Variants in ARHGEF11 observed in about 807,000 individuals in gnomAD.
The protein encoded by ARHGEF11 is Rho guanine nucleotide exchange factor 11.
A neutral mutation model predicts 193.7 loss-of-function variants in ARHGEF11; 55 were observed. That is an observed-to-expected ratio of 0.28 (90% CI 0.23 to 0.36). The LOEUF (loss-of-function observed/expected upper bound fraction) is 0.36, where lower values mean the gene tolerates loss of function less well. ARHGEF11 is among the 10% of genes least tolerant of loss of function. ARHGEF11 has a pLI of 1.00. For missense variants in ARHGEF11, 1,723 were observed against 2,005.6 expected, an observed-to-expected ratio of 0.86 and a Z score of 2.69; for synonymous variants, 693 against 768.0, an observed-to-expected ratio of 0.90 and a Z score of 1.62.
At chr1:157,023,596 T>C (rs1670258872) in intron 1 of ARHGEF11, among the ~76,000 whole-genome samples, 1 of 151,998 alleles carries the variant, frequency 6.6e-6, no homozygotes, top group Non-Finnish European at 1.5e-5. Context: ...TGAAACCCCA[T>C]CTCTACTAAA....
chr1:156,972,931 C>A (rs866645536), intron 7 of ARHGEF11, among the ~76,000 whole-genome samples: 1 of 152,162 alleles, frequency 6.6e-6, no homozygotes, highest in Admixed American at 6.5e-5. Flanking sequence ...ACAAAATGTT[C>A]GAGTTTCCTG....
chr1:157,022,991 T>C (rs11264602), intron 1 of ARHGEF11, among the ~76,000 whole-genome samples: 27,109 of 152,010 alleles, frequency 0.18, 2,988 homozygotes, highest in East Asian at 0.44. Context: ...ATACCATACA[T>C]AAAAATTAAC....
rs150332556 is a variant in ARHGEF11, at chr1:157,000,004, C to T, written c.33-13831G>A. On this transcript the variant is annotated intron_variant, in intron 1 of 40. Coordinates refer to ENST00000368194, the MANE Select transcript of ARHGEF11 (RefSeq NM_198236.3). ...TTTTTGAGACAGTCACACTCTATCA[C>T]ACAGGCTGGAGTGCAGTGGTGCGAT... Among the ~76,000 whole-genome samples, 319 of 152,368 alleles carry T rather than the reference C, an allele frequency of 2.1e-3. 2 individuals are homozygous for T. Among genetic ancestry groups the T allele is most frequent in the Non-Finnish European group, 3.5e-3 (236 of 68,042 alleles).
chr1:156,978,930 A>G (rs1018123915), intron 5 of ARHGEF11, among the ~76,000 whole-genome samples: 4 of 152,234 alleles, frequency 2.6e-5, no homozygotes, highest in African/African-American at 9.6e-5. Flanking sequence ...GGGAATTGAA[A>G]GGTATTTGAG....
intron 2 of ARHGEF11, 24 bp downstream of exon 2, chr1:156,986,058 T>G (rs1407978825): frequency 3.1e-6 from 5 of 1,599,440 alleles, no homozygotes; most frequent in Non-Finnish European, 4.3e-6. Context: ...GCTGTTTTTG[T>G]ATGTTAATGC....
intron 40 of ARHGEF11, among the ~76,000 whole-genome samples, chr1:156,936,487 A>AAAAAATAAAAAAAAAAAAAT (rs1432587311): frequency 7.5e-5 from 6 of 79,634 alleles, no homozygotes; most frequent in African/African-American, 3.5e-4. Flanking sequence ...ATAGAAAAAA[A>AAAAAATAAAAAAAAAAAAAT]AAAAAAAAAA....
chr1:156,982,459 C>T (rs577787604), intron 3 of ARHGEF11, among the ~76,000 whole-genome samples: 24 of 152,190 alleles, frequency 1.6e-4, no homozygotes, highest in South Asian at 8.3e-4. Context: ...AAAAGATAAC[C>T]GCTGCTTTGT....
rs535293794 is a variant in ARHGEF11 at position 157,025,210 on chromosome 1, G to A, written c.32+19089C>T. Among the ~76,000 whole-genome samples, 4 of 152,320 alleles carry A rather than the reference G, an allele frequency of 2.6e-5. No homozygotes were observed. In the East Asian group the frequency reaches 5.8e-4, roughly 22 times the overall value. ...AAGCACTCCTGCTGTGGGCTGTGGT[G>A]CCTTTACTCTTCCTTTCAAGTGATG... On this transcript the variant is annotated intron_variant, in intron 1 of 40. Transcript: ENST00000368194.
At chr1:156,956,704 A>C in intron 18 of ARHGEF11, 140 bp from the exon 19 acceptor site, 19 of 1,307,042 alleles carry the variant, frequency 1.5e-5, no homozygotes, top group Non-Finnish European at 2.0e-5. Flanking sequence ...TAGAATAATT[A>C]AATGGGACAG....
rs760350447 is a variant in ARHGEF11 at position 156,946,693 on chromosome 1, C to A, written c.2663G>T (p.Arg888Leu). 6.2e-7 allele frequency: 1 copy of A among 1,614,090 alleles called. No individual in the cohort carries two copies. Among genetic ancestry groups the A allele is most frequent in the Non-Finnish European group, 8.5e-7 (1 of 1,180,044 alleles). The change falls in exon 28 of 41, where the codon CGC becomes CTC. Residue 888 changes from arginine (R) to leucine (L), a missense_variant. Arg to Leu is a moderately radical substitution (Grantham distance 102, BLOSUM62 -2). This residue lies in a region of ARHGEF11 where 491 missense variants were observed against 654.5 expected (regional missense o/e 0.75). Transcript: ENST00000368194. ...GAAGAGCTGGAATCGACTCTCCTTG[C>A]GTTGCTTGGTCTTGATTAGCTCTAG... ...IALELIKTKQ[R>L]KESRFQLFMQ...
chr1:157,012,593 A>G (rs944503218), intron 1 of ARHGEF11, among the ~76,000 whole-genome samples: 1 of 152,222 alleles, frequency 6.6e-6, no homozygotes, highest in East Asian at 1.9e-4. Context: ...TAGTACTCTC[A>G]TAAGAGATTC....
In ARHGEF11 at chr1:157,017,667, A is replaced by G. The variant is rs574005975; in HGVS notation, c.32+26632T>C. Among the ~76,000 whole-genome samples the G allele has an allele frequency of 4.9e-5, 7 of 142,442 alleles. No homozygotes were observed. The South Asian group carries it at 1.6e-3, about 33-fold the overall frequency. The allele number at this position is 142,442 out of a possible 152,430, so 93.4% of individuals were successfully genotyped here. On this transcript the variant is annotated intron_variant, in intron 1 of 40. Coordinates refer to ENST00000368194, the MANE Select transcript of ARHGEF11 (RefSeq NM_198236.3). Reference sequence around the variant, plus strand: ...GGTTGCAGTGAGCCAAGACCGCGCCACTGTGCTCCAGCCTGGGCAACAGAG... The same window carrying G: ...GGTTGCAGTGAGCCAAGACCGCGCCGCTGTGCTCCAGCCTGGGCAACAGAG...
intron 14 of ARHGEF11, 67 bp from the exon 15 acceptor site, chr1:156,960,527 A>T: frequency 1.3e-6 from 2 of 1,522,500 alleles, no homozygotes; most frequent in Non-Finnish European, 1.8e-6. Flanking sequence ...AGCAGTGTGC[A>T]AGGCGAGGAG....
chr1:156,981,594 G>A (rs913192139), intron 3 of ARHGEF11, among the ~76,000 whole-genome samples: 1 of 152,008 alleles, frequency 6.6e-6, no homozygotes, highest in Non-Finnish European at 1.5e-5. Context: ...CTCCCATCTC[G>A]GCCTCCGAAG....
intron 22 of ARHGEF11, among the ~76,000 whole-genome samples, chr1:156,949,534 A>G (rs1467131389): frequency 6.6e-6 from 1 of 152,172 alleles, no homozygotes; most frequent in Non-Finnish European, 1.5e-5. Flanking sequence ...CTGCCAGATG[A>G]TCCAAAATGG....
At chr1:156,939,459 G>T (rs1656295659) in intron 37 of ARHGEF11, 89 bp downstream of exon 37, 7 of 1,567,060 alleles carry the variant, frequency 4.5e-6, no homozygotes, top group Non-Finnish European at 6.1e-6. Flanking sequence ...TACCCAGGGG[G>T]AGTATAGGGA....
Position 156,948,376 on chromosome 1 carries a change from G to A in ARHGEF11, c.2048C>T (p.Ala683Val), listed in dbSNP as rs142168815. The change falls in exon 23 of 41, where the codon GCG becomes GTG. Residue 683 changes from alanine to valine, a missense_variant. Ala to Val is a moderately conservative substitution (Grantham distance 64). Transcript: ENST00000368194. This position sits in a 1 kb window ranked among gnomAD's most constrained non-coding sequence, Gnocchi z 4.2. ...SRSDVDMDAA[A>V]EATRLHQSAS... ...TGACTGGTGCAGGCGAGTAGCCTCC[G>A]CAGCAGCATCCATGTCAACATCACT... The A allele has an allele frequency of 2.6e-5, 42 of 1,614,104 alleles. No individual in the cohort carries two copies. The South Asian group carries it at 2.9e-4, about 11-fold the overall frequency.
rs1357995242 is a variant in ARHGEF11, at chr1:156,937,341, G to A, written c.4348C>T (p.Pro1450Ser). The change falls in exon 39 of 41, where the codon CCC (proline) becomes TCC (serine). Residue 1450 changes from proline (P) to serine (S), a missense_variant. By Grantham distance (74) the Pro-to-Ser change is moderately conservative (BLOSUM62 -1). Transcript: ENST00000368194. The stretch of plus-strand genomic sequence containing the variant: ...GCCAGGCTTGGAGGAGAGCGGCTGG[G>A]GCGTCTTGGATCATCGTTGCCTCCC... Reference protein sequence around the residue: ...LQGGNDDPRRPSRSPPSLALR... With the variant: ...LQGGNDDPRRSSRSPPSLALR... The A allele has an allele frequency of 3.1e-6, 5 of 1,613,502 alleles. No homozygotes were observed. Among genetic ancestry groups the A allele is most frequent in the Admixed American group, 1.7e-5 (1 of 59,916 alleles).
Position 156,978,325 on chromosome 1 carries a change from G to C in ARHGEF11, c.389C>G (p.Ser130Cys). The change falls in exon 6 of 41, where the codon TCT becomes TGT. Residue 130 changes from serine (S) to cysteine (C), a missense_variant. Ser to Cys is a moderately radical substitution (Grantham distance 112, BLOSUM62 -1). Transcript: ENST00000368194. The stretch of plus-strand genomic sequence containing the variant: ...TGGGGATGGGTCCTGCTGGAGCCCA[G>C]AGATGCCCATGGATGAAGGTGAAGA... ...LGSSPSSMGI[S>C]GLQQDPSPAG... 2 of 1,614,056 alleles carry C rather than the reference G, an allele frequency of 1.2e-6. No individual in the cohort carries two copies. The highest frequency in any genetic ancestry group is 1.7e-6 in the Non-Finnish European group (2 of 1,179,958).
Sources: allele counts gnomAD v4.1 joint callset (sites outside exome capture counted in the v4.1 genomes callset), GRCh38; gene constraint gnomAD v4.1.1; regional missense constraint gnomAD v4.1.1; non-coding constraint Gnocchi (gnomAD v3.1); transcripts MANE v1.5; gene names NCBI Gene and HGNC (gene_info 2026-07-23, HGNC 2026-07-21).